The following ADCY2 variants were observed in gnomAD, a reference collection of about 807,000 sequenced individuals.
ADCY2 encodes the protein adenylate cyclase 2.
Under a neutral mutation model 125.2 loss-of-function variants are expected in ADCY2, and 31 were observed. The ratio of observed to expected loss-of-function variants is 0.25; its 90% CI spans 0.19 to 0.33. The LOEUF is 0.33. Among genes scored for constraint, ADCY2 ranks in the 10% least tolerant of loss-of-function variants. ADCY2 has a pLI of 1.00. For missense variants in ADCY2, 904 were observed against 1,418.2 expected (o/e 0.64, Z 5.82); for synonymous variants, 512 against 548.4 (o/e 0.93, Z 0.93).
intron 3 of ADCY2, among the ~76,000 whole-genome samples, chr5:7,587,218 A>C (rs1343289825): frequency 6.6e-6 from 1 of 152,022 alleles, no homozygotes; most frequent in East Asian, 1.9e-4. Flanking sequence ...TAACTCAGGG[A>C]TCACCTGCTG....
At chr5:7,517,607 A>G (rs777534634) in intron 2 of ADCY2, among the ~76,000 whole-genome samples, 5 of 152,168 alleles carry the variant, frequency 3.3e-5, no homozygotes, top group African/African-American at 4.8e-5. Context: ...CTACCACGGA[A>G]ACCTCTGATT....
intron 2 of ADCY2, among the ~76,000 whole-genome samples, chr5:7,442,138 G>A (rs139204921): frequency 3.0e-4 from 46 of 152,222 alleles, no homozygotes; most frequent in African/African-American, 1.0e-3. Flanking sequence ...TCTCAAAAAC[G>A]TCTGTTGTTT....
intron 18 of ADCY2, among the ~76,000 whole-genome samples, chr5:7,775,472 C>A (rs897414279): frequency 6.6e-6 from 1 of 152,000 alleles, no homozygotes; most frequent in African/African-American, 2.4e-5. Context: ...CTCAGTGCAA[C>A]CCCCACCTCC....
chr5:7,783,830 C>T (rs1423191086), intron 18 of ADCY2, among the ~76,000 whole-genome samples: 1 of 152,132 alleles, frequency 6.6e-6, no homozygotes, highest in African/African-American at 2.4e-5. Context: ...TGAGGTCACT[C>T]AGGCAGTGTA....
chr5:7,781,323 C>T (rs1409676162), intron 18 of ADCY2, among the ~76,000 whole-genome samples: 1 of 152,168 alleles, frequency 6.6e-6, no homozygotes, highest in Non-Finnish European at 1.5e-5. Flanking sequence ...GCTTTGGTCC[C>T]CAGTGTCTCA....
intron 3 of ADCY2, among the ~76,000 whole-genome samples, chr5:7,615,852 G>A (rs1020920018): frequency 1.3e-5 from 2 of 152,110 alleles, no homozygotes; most frequent in African/African-American, 4.8e-5. Context: ...GATGCAATGG[G>A]ATATGTAGGT....
At chr5:7,554,692 G>A (rs1735448369) in intron 3 of ADCY2, among the ~76,000 whole-genome samples, 1 of 152,046 alleles carries the variant, frequency 6.6e-6, no homozygotes, top group South Asian at 2.1e-4. Flanking sequence ...GAGGGTCTTG[G>A]GTCAAATCTG....
Position 7,789,776 on chromosome 5 carries a change from C to T in ADCY2, c.2604C>T (p.Phe868=). The T allele has an allele frequency of 6.2e-7, 1 of 1,609,944 alleles. No individual in the cohort carries two copies. The highest frequency in any genetic ancestry group is 1.1e-5 in the South Asian group (1 of 90,520). ...NVLPAHVAEH[F]LARSLKNEEL... ...TTCCCGCGCACGTGGCTGAGCACTTCCTGGCCAGGAGCCTGAAGAATGAGG... is the reference window on the plus strand; with the variant it reads ...TTCCCGCGCACGTGGCTGAGCACTTTCTGGCCAGGAGCCTGAAGAATGAGG... The change falls in exon 20 of 25, where the codon TTC becomes TTT. Residue 868 remains phenylalanine, a synonymous_variant. Transcript: ENST00000338316.
At position 7,571,588 on chromosome 5, in the gene ADCY2, G is replaced by T. The variant is rs536915768; in HGVS notation, c.570+50689G>T. 3.3e-5 allele frequency among the ~76,000 whole-genome samples: 5 copies of T among 152,248 alleles called. No individual in the cohort carries two copies. The South Asian group carries it at 8.3e-4, about 25-fold the overall frequency. ...TGTATAGTTTGTTCTTCTGTATTAA[G>T]GATTGTATTAATTATTGCTATGGCC... is the stretch of plus-strand genomic sequence containing the variant. On this transcript the variant is annotated intron_variant, in intron 3 of 24. Coordinates refer to ENST00000338316, the MANE Select transcript of ADCY2 (RefSeq NM_020546.3).
chr5:7,761,521 ATGAACTT>A (rs933705015), intron 16 of ADCY2, among the ~76,000 whole-genome samples: 15 of 152,192 alleles, frequency 9.9e-5, no homozygotes, highest in Non-Finnish European at 1.5e-4. Flanking sequence ...TAATGCTAGA[ATGAACTT>A]TGAGGAGATC....
At position 7,718,881 on chromosome 5, in the gene ADCY2, A is replaced by G. The variant is rs140283785; in HGVS notation, c.1703+1644A>G. On this transcript the variant is annotated intron_variant, in intron 12 of 24. Coordinates refer to ENST00000338316, the MANE Select transcript of ADCY2 (RefSeq NM_020546.3). Reference sequence around the variant, plus strand: ...GATTTCATAAAATATAGGTGGAAGGATGCTTTCACTGAAGCAGAGGAAATA... The same window carrying G: ...GATTTCATAAAATATAGGTGGAAGGGTGCTTTCACTGAAGCAGAGGAAATA... Among the ~76,000 whole-genome samples, 330 of 152,284 alleles carry G rather than the reference A, an allele frequency of 2.2e-3. 3 individuals carry two copies. Among genetic ancestry groups the G allele is most frequent in the African/African-American group, 7.6e-3 (315 of 41,564 alleles).
intron 17 of ADCY2, among the ~76,000 whole-genome samples, chr5:7,768,882 C>T (rs1306078965): frequency 6.6e-6 from 1 of 152,180 alleles, no homozygotes; most frequent in Non-Finnish European, 1.5e-5. Context: ...GCCCAGAAAC[C>T]ACATTGTGAA....
intron 3 of ADCY2, among the ~76,000 whole-genome samples, chr5:7,541,900 T>C (rs746275643): frequency 6.6e-6 from 1 of 152,248 alleles, no homozygotes; most frequent in Non-Finnish European, 1.5e-5. Context: ...ATGTTGTTAC[T>C]ATGAAATGCA....
At chr5:7,743,581 C>T in intron 14 of ADCY2, 87 bp from the exon 15 acceptor site, 1 of 1,245,022 alleles carries the variant, frequency 8.0e-7, no homozygotes, top group Admixed American at 2.0e-5. Flanking sequence ...TAATAAAGTC[C>T]TCGTTAACCC....
intron 3 of ADCY2, among the ~76,000 whole-genome samples, chr5:7,591,240 T>G (rs1489009157): frequency 1.3e-5 from 2 of 152,148 alleles, no homozygotes; most frequent in African/African-American, 4.8e-5. Context: ...CAGAACTTTG[T>G]TTTTTTGGCT....
intron 2 of ADCY2, among the ~76,000 whole-genome samples, chr5:7,508,573 T>C (rs1227144970): frequency 6.6e-6 from 1 of 152,178 alleles, no homozygotes; most frequent in Non-Finnish European, 1.5e-5. Flanking sequence ...AAATATGGAC[T>C]GAGGCTTCTA....
chr5:7,818,749 C>G (rs1745202287), intron 23 of ADCY2, among the ~76,000 whole-genome samples: 1 of 152,186 alleles, frequency 6.6e-6, no homozygotes, highest in East Asian at 1.9e-4. Flanking sequence ...GATGACCACA[C>G]CAAACATGGG....
Position 7,774,848 on chromosome 5 carries a change from T to A in ADCY2, c.2384+1747T>A, listed in dbSNP as rs547687015. 2.2e-4 allele frequency among the ~76,000 whole-genome samples: 34 copies of A among 152,252 alleles called. 1 individual carries two copies. In the South Asian group the frequency reaches 6.2e-3, roughly 28 times the overall value. On this transcript the variant is annotated intron_variant, in intron 18 of 24. Transcript: ENST00000338316. ...ACCTGTCTCTCACTTCCTAATTTTT[T>A]AAAAAAATTTTGTGGATACATAATA...
At chr5:7,608,167 A>G (rs1045338568) in intron 3 of ADCY2, among the ~76,000 whole-genome samples, 1 of 152,256 alleles carries the variant, frequency 6.6e-6, no homozygotes, top group Non-Finnish European at 1.5e-5. Flanking sequence ...GAGGAATATG[A>G]CTATCCGATA....
Sources: allele counts gnomAD v4.1 joint callset (sites outside exome capture counted in the v4.1 genomes callset), GRCh38; gene constraint gnomAD v4.1.1; transcripts MANE v1.5; gene names NCBI Gene and HGNC (gene_info 2026-07-23, HGNC 2026-07-21).